PEAK1: variants seen among roughly 807,000 people sequenced by gnomAD.
The protein encoded by PEAK1 is inactive tyrosine-protein kinase PEAK1.
A neutral mutation model predicts 124.7 loss-of-function variants in PEAK1; 54 were observed. The ratio of observed to expected loss-of-function variants is 0.43; its 90% confidence interval spans 0.35 to 0.54. The LOEUF is 0.54. PEAK1 is among the 20% of genes least tolerant of loss of function. PEAK1 has a pLI of 0.01. For synonymous variants in PEAK1, 719 were observed against 760.0 expected, an observed-to-expected ratio of 0.95 and a Z score of 0.89; for missense variants, 2,046 against 2,134.5, an observed-to-expected ratio of 0.96 and a Z score of 0.82.
At chr15:77,217,092 G>T (rs1054418468) in intron 6 of PEAK1, among the ~76,000 whole-genome samples, 1 of 151,912 alleles carries the variant, frequency 6.6e-6, no homozygotes, top group Non-Finnish European at 1.5e-5. Flanking sequence ...AGCTGGGCAT[G>T]GTGGCATGCA....
chr15:77,158,770 T>C (rs904019792), intron 7 of PEAK1, 74 bp from the exon 8 acceptor site: 16 of 1,389,374 alleles, frequency 1.2e-5, no homozygotes, highest in Non-Finnish European at 1.6e-5. Flanking sequence ...GGAAGGCATA[T>C]ACTTCCCATA....
At chr15:77,216,755 T>C (rs942607400) in intron 6 of PEAK1, among the ~76,000 whole-genome samples, 6 of 152,204 alleles carry the variant, frequency 3.9e-5, no homozygotes, top group Admixed American at 2.6e-4. Context: ...TACACAATTC[T>C]GGCTGAAAAA....
At chr15:77,226,044 G>GATATATA (rs2059630439) in intron 6 of PEAK1, among the ~76,000 whole-genome samples, 1 of 44,998 alleles carries the variant, frequency 2.2e-5, no homozygotes, top group Non-Finnish European at 4.8e-5. Context: ...AAAATAAAGG[G>GATATATA]ATATATATAT....
At chr15:77,171,526 A>G (rs1012260992) in intron 7 of PEAK1, among the ~76,000 whole-genome samples, 2 of 152,330 alleles carry the variant, frequency 1.3e-5, no homozygotes, top group Admixed American at 6.5e-5. Flanking sequence ...ATAGGCTGGA[A>G]AAATGGGGGA....
rs1596497081 is a variant in PEAK1, at chr15:77,181,009, A to G, written c.918T>C (p.Ala306=). The G allele has an allele frequency of 1.2e-6, 2 of 1,614,192 alleles. No individual in the cohort carries two copies. Among genetic ancestry groups the G allele is most frequent in the Middle Eastern group, 1.6e-4 (1 of 6,062 alleles). Residue 306 remains alanine, a synonymous_variant, in exon 7 of 10, where the codon GCT becomes GCC. Transcript: ENST00000682557. ...LRNKSLQRIC[A]VDYDDSYDEI... ...CATCATAGCTGTCATCATAGTCCAC[A>G]GCACAGATTCTCTGCAGAGACTTGT... is the stretch of plus-strand genomic sequence containing the variant.
At chr15:77,382,621 C>T (rs930908869) in intron 1 of PEAK1, among the ~76,000 whole-genome samples, 25 of 152,134 alleles carry the variant, frequency 1.6e-4, no homozygotes, top group Non-Finnish European at 2.9e-4. Flanking sequence ...CTAGGGAATG[C>T]TTGCCACATT....
chr15:77,324,084 T>C (rs1216235417), intron 2 of PEAK1, among the ~76,000 whole-genome samples: 3 of 152,224 alleles, frequency 2.0e-5, no homozygotes, highest in African/African-American at 7.2e-5. Flanking sequence ...GACAATGAGA[T>C]CCTCAGGACA....
intron 2 of PEAK1, chr15:77,345,821 T>C (rs921733952): frequency 4.3e-6 from 3 of 705,056 alleles, no homozygotes; most frequent in South Asian, 6.4e-5. Flanking sequence ...CTTTACACAT[T>C]GTATACAGGT....
At chr15:77,194,263 C>T (rs2057999620) in intron 6 of PEAK1, among the ~76,000 whole-genome samples, 5 of 152,134 alleles carry the variant, frequency 3.3e-5, no homozygotes, top group Admixed American at 2.0e-4. Flanking sequence ...ATTTTCATTG[C>T]TCTTTGTCTG....
At position 77,150,940 on chromosome 15, in the gene PEAK1, C is replaced by G. The variant is rs561451650; in HGVS notation, c.3331+7563G>C. 2.0e-5 allele frequency among the ~76,000 whole-genome samples: 3 copies of G among 152,134 alleles called. No homozygotes were observed. In the South Asian group the frequency reaches 6.2e-4, roughly 32 times the overall value. On this transcript the variant is annotated intron_variant, in intron 8 of 9. Coordinates refer to ENST00000682557, the MANE Select transcript of PEAK1 (RefSeq NM_001385026.1). ...TTGGACATTTGGGTTGGTTCCAAGTCTTTGCTATTGTGAATAATGCCGCAA... is the reference window on the plus strand; with the variant it reads ...TTGGACATTTGGGTTGGTTCCAAGTGTTTGCTATTGTGAATAATGCCGCAA...
intron 6 of PEAK1, among the ~76,000 whole-genome samples, chr15:77,183,324 C>T (rs879317241): frequency 2.0e-5 from 3 of 151,868 alleles, no homozygotes; most frequent in Admixed American, 2.0e-4. Flanking sequence ...AGACTGTATG[C>T]TTCACTTTTA....
rs373276255 is a variant in PEAK1 at position 77,295,174 on chromosome 15, T to C, written c.-602-8670A>G. 1.6e-4 allele frequency among the ~76,000 whole-genome samples: 24 copies of C among 152,284 alleles called. No individual in the cohort carries two copies. In the East Asian group the frequency reaches 3.7e-3, roughly 23 times the overall value. On this transcript the variant is annotated intron_variant, in intron 2 of 9. Transcript: ENST00000682557. ...AGGGTGACCTTATGGCTCATGTATATATGCACAGGCCACAGTGGTAGTCAG... is the reference window on the plus strand; with the variant it reads ...AGGGTGACCTTATGGCTCATGTATACATGCACAGGCCACAGTGGTAGTCAG...
intron 2 of PEAK1, among the ~76,000 whole-genome samples, chr15:77,288,846 G>A (rs375256607): frequency 1.2e-4 from 18 of 150,992 alleles, no homozygotes; most frequent in African/African-American, 3.4e-4. Flanking sequence ...GGAGAATGGC[G>A]TGAAACCAGG....
At chr15:77,333,556 T>C in intron 2 of PEAK1, 1 of 890,212 alleles carries the variant, frequency 1.1e-6, no homozygotes, top group Non-Finnish European at 1.3e-6. Flanking sequence ...CACATTTCCT[T>C]ATGTTTTTAT....
chr15:77,319,850 A>T (rs1308930387), intron 2 of PEAK1, among the ~76,000 whole-genome samples: 1 of 152,070 alleles, frequency 6.6e-6, no homozygotes, highest in Non-Finnish European at 1.5e-5. Context: ...TGGCAATATC[A>T]CTATGGATGA....
At chr15:77,258,235 TTAAAG>T (rs1400078903) in intron 5 of PEAK1, among the ~76,000 whole-genome samples, 1 of 152,332 alleles carries the variant, frequency 6.6e-6, no homozygotes, top group East Asian at 1.9e-4. Flanking sequence ...CATATGAACT[TTAAAG>T]TAGTTTTTTC....
intron 2 of PEAK1, chr15:77,355,714 T>C (rs2067475609): frequency 1.0e-6 from 1 of 965,642 alleles, no homozygotes; most frequent in East Asian, 1.1e-4. Flanking sequence ...ACTCATCCAT[T>C]TTGGGGGGTC....
At chr15:77,188,872 C>T (rs2057682765) in intron 6 of PEAK1, among the ~76,000 whole-genome samples, 1 of 152,082 alleles carries the variant, frequency 6.6e-6, no homozygotes, top group East Asian at 1.9e-4. Context: ...TTAGCATTTA[C>T]TACTAAGTAC....
intron 6 of PEAK1, among the ~76,000 whole-genome samples, chr15:77,189,827 C>T (rs1263552884): frequency 6.6e-6 from 1 of 152,122 alleles, no homozygotes; most frequent in Non-Finnish European, 1.5e-5. Context: ...ACCTCAGAGC[C>T]AACTGCCAAG....
Sources: gnomAD v4.1 joint callset for allele counts (sites outside exome capture counted in the v4.1 genomes callset) on GRCh38, gnomAD v4.1.1 for gene constraint, MANE v1.5 for transcripts, NCBI Gene and HGNC (gene_info 2026-07-23, HGNC 2026-07-21) for gene names.